FAT3: variants seen among roughly 807,000 people sequenced by gnomAD.
The protein encoded by FAT3 is FAT atypical cadherin 3.
A neutral mutation model predicts 310.2 loss-of-function variants in FAT3; 95 were observed. The ratio of observed to expected loss-of-function variants is 0.31; its 90% confidence interval spans 0.26 to 0.36. The LOEUF is 0.36. FAT3 is among the 10% of genes least tolerant of loss of function. The probability of loss-of-function intolerance (pLI) is 1.00; values close to 1 mark genes in which losing one functional copy is unlikely to be tolerated. For synonymous variants in FAT3, 2,314 were observed against 2,192.9 expected (o/e 1.06, Z -1.54); for missense variants, 5,408 against 5,715.6 (o/e 0.95, Z 1.74).
At chr11:92,657,927 T>G (rs1250360397) in intron 3 of FAT3, among the ~76,000 whole-genome samples, 1 of 152,080 alleles carries the variant, frequency 6.6e-6, no homozygotes, top group Non-Finnish European at 1.5e-5. Flanking sequence ...ACCAGCGCTG[T>G]TCAATGGAAA....
intron 1 of FAT3, among the ~76,000 whole-genome samples, chr11:92,341,782 T>C (rs1948268311): frequency 6.6e-6 from 1 of 152,212 alleles, no homozygotes; most frequent in Non-Finnish European, 1.5e-5. Context: ...GATTGCTGCC[T>C]GAAATACTAT....
At chr11:92,234,717 C>T (rs1864340739) in intron 1 of FAT3, among the ~76,000 whole-genome samples, 1 of 152,072 alleles carries the variant, frequency 6.6e-6, no homozygotes, top group African/African-American at 2.4e-5. Context: ...GCCTGACCAA[C>T]ATGGTGAAAC....
rs1362760988 is a variant in FAT3, at chr11:92,892,832, T to C, written c.*1719T>C. The C allele has an allele frequency of 6.6e-6, 1 of 152,228 alleles. No individual in the cohort carries two copies. The highest frequency in any genetic ancestry group is 1.9e-4 in the East Asian group (1 of 5,192). 9.4% of individuals were successfully genotyped at this position (152,228 alleles called of 1,614,324 possible). A position where few individuals can be genotyped will look rare whatever the true frequency, so the allele number is the denominator to read the frequency against. On this transcript the variant is annotated 3_prime_UTR_variant, in exon 28 of 28. Coordinates refer to ENST00000525166, the MANE Select transcript of FAT3 (RefSeq NM_001367949.2). Reference sequence around the variant, plus strand: ...CCTTCTCATCTGTGGGCTTTGGCCATGATTTCCAAAATTAACAGGAGAATC... The same window carrying C: ...CCTTCTCATCTGTGGGCTTTGGCCACGATTTCCAAAATTAACAGGAGAATC...
intron 1 of FAT3, among the ~76,000 whole-genome samples, chr11:92,280,235 A>G (rs778455885): frequency 3.9e-5 from 6 of 152,162 alleles, no homozygotes; most frequent in Non-Finnish European, 5.9e-5. Flanking sequence ...CCATTTTATC[A>G]TACAGATTTA....
intron 3 of FAT3, among the ~76,000 whole-genome samples, chr11:92,557,012 T>C (rs538397857): frequency 1.1e-3 from 166 of 152,224 alleles, no homozygotes; most frequent in Admixed American, 2.5e-3. Context: ...CATATCTTGT[T>C]TTCAGCTTTG....
At chr11:92,618,077 A>T (rs1022173997) in intron 3 of FAT3, among the ~76,000 whole-genome samples, 1 of 152,156 alleles carries the variant, frequency 6.6e-6, no homozygotes, top group Non-Finnish European at 1.5e-5. Context: ...CCCTGCCCCC[A>T]GAGGTGGAGT....
chr11:92,263,479 G>T (rs970539842), intron 1 of FAT3, among the ~76,000 whole-genome samples: 34 of 151,830 alleles, frequency 2.2e-4, no homozygotes, highest in African/African-American at 8.2e-4. Flanking sequence ...GATTTTTAAG[G>T]ATTTGTGAAA....
In FAT3 at chr11:92,799,461, T is replaced by G; in HGVS notation, c.6448T>G (p.Ser2150Ala). The G allele has an allele frequency of 6.2e-7, 1 of 1,613,710 alleles. No individual in the cohort carries two copies. The highest frequency in any genetic ancestry group is 8.5e-7 in the Non-Finnish European group (1 of 1,179,802). Reference protein sequence around the residue: ...ILKEAFNSDLSNIEYGVTILA... With the variant: ...ILKEAFNSDLANIEYGVTILA... Reference sequence around the variant, plus strand: ...AAAGGAAGCATTCAACTCTGACTTGTCCAACATTGAGTATGGAGTCACCAT... The same window carrying G: ...AAAGGAAGCATTCAACTCTGACTTGGCCAACATTGAGTATGGAGTCACCAT... The change falls in exon 10 of 28, where the codon TCC (serine) becomes GCC (alanine). Residue 2150 changes from serine (S) to alanine (A), a missense_variant. By Grantham distance (99) the Ser-to-Ala change is moderately conservative (BLOSUM62 1). Coordinates refer to ENST00000525166, the MANE Select transcript of FAT3 (RefSeq NM_001367949.2).
At chr11:92,803,787 G>A (rs1287338291) in intron 10 of FAT3, among the ~76,000 whole-genome samples, 1 of 152,202 alleles carries the variant, frequency 6.6e-6, no homozygotes, top group Non-Finnish European at 1.5e-5. Context: ...CCCCACAGAG[G>A]GGAAGGGCAC....
intron 1 of FAT3, among the ~76,000 whole-genome samples, chr11:92,247,320 C>A (rs1038875402): frequency 1.3e-5 from 2 of 149,532 alleles, no homozygotes; most frequent in African/African-American, 5.1e-5. Flanking sequence ...AGCCTTGAAA[C>A]CATGTCTTTT....
intron 2 of FAT3, among the ~76,000 whole-genome samples, chr11:92,486,130 GTTTTTTTTTTT>G (rs71064714): frequency 2.7e-4 from 10 of 37,142 alleles, no homozygotes; most frequent in South Asian, 2.4e-3. Context: ...GGCTGCTGGG[GTTTTTTTTTTT>G]TTTTTTTTTT....
At chr11:92,699,732 G>A (rs1042565834) in intron 4 of FAT3, among the ~76,000 whole-genome samples, 1 of 152,136 alleles carries the variant, frequency 6.6e-6, no homozygotes. Context: ...AGGGAAGTAG[G>A]ACAGCATAGC....
chr11:92,301,129 C>G (rs575618379), intron 1 of FAT3, among the ~76,000 whole-genome samples: 78 of 152,210 alleles, frequency 5.1e-4, no homozygotes, highest in African/African-American at 1.8e-3. Context: ...GGCTTCTGAT[C>G]TCCTCTTTCT....
At chr11:92,845,668 C>T (rs1442546874) in intron 19 of FAT3, among the ~76,000 whole-genome samples, 1 of 152,196 alleles carries the variant, frequency 6.6e-6, no homozygotes. Context: ...AAATTCACTG[C>T]CCCCTTCTAA....
At position 92,799,360 on chromosome 11, in the gene FAT3, A is replaced by G. The variant is rs1273560951; in HGVS notation, c.6347A>G (p.Asn2116Ser). Residue 2116 changes from asparagine (N) to serine (S), a missense_variant, in exon 10 of 28, where the codon AAT (asparagine) becomes AGT (serine). Physicochemically the swap from Asn to Ser is conservative, Grantham distance 46. This residue lies in a region of FAT3 where 4,588 missense variants were observed against 4,809.8 expected (regional missense o/e 0.95). Coordinates refer to ENST00000525166, the MANE Select transcript of FAT3 (RefSeq NM_001367949.2). ...VTAIDKDKGP[N>S]GEVTYVLQDD... is the part of the protein sequence containing the mutation. ...GCCATTGACAAAGATAAAGGTCCAA[A>G]TGGAGAAGTGACCTATGTCCTGCAG... The G allele has an allele frequency of 2.5e-6, 4 of 1,613,792 alleles. No individual in the cohort carries two copies. Among genetic ancestry groups the G allele is most frequent in the Non-Finnish European group, 3.4e-6 (4 of 1,179,866 alleles).
At chr11:92,870,418 A>G (rs1302403598) in intron 22 of FAT3, among the ~76,000 whole-genome samples, 1 of 152,114 alleles carries the variant, frequency 6.6e-6, no homozygotes, top group Non-Finnish European at 1.5e-5. Flanking sequence ...GAGAGTATAA[A>G]TATGACTCTA....
At chr11:92,570,448 G>C (rs1955632386) in intron 3 of FAT3, among the ~76,000 whole-genome samples, 1 of 152,142 alleles carries the variant, frequency 6.6e-6, no homozygotes, top group Non-Finnish European at 1.5e-5. Context: ...ATGAAGTTTT[G>C]ATTATGAAAA....
intron 1 of FAT3, among the ~76,000 whole-genome samples, chr11:92,252,490 T>A (rs557231229): frequency 1.3e-5 from 2 of 152,120 alleles, no homozygotes; most frequent in African/African-American, 4.8e-5. Context: ...GACCATTTCA[T>A]AGGAGTCCTA....
intron 2 of FAT3, among the ~76,000 whole-genome samples, chr11:92,509,717 A>G (rs1482994776): frequency 6.6e-6 from 1 of 152,178 alleles, no homozygotes; most frequent in African/African-American, 2.4e-5. Context: ...CAATGGTGAG[A>G]ATATATTAAG....
Sources: allele counts gnomAD v4.1 joint callset (sites outside exome capture counted in the v4.1 genomes callset), GRCh38; gene constraint gnomAD v4.1.1; regional missense constraint gnomAD v4.1.1; transcripts MANE v1.5; gene names NCBI Gene and HGNC (gene_info 2026-07-23, HGNC 2026-07-21).